Variants in FGFR2 observed in about 807,000 individuals in gnomAD.
FGFR2 encodes the protein fibroblast growth factor receptor 2.
In FGFR2, 19 loss-of-function variants were observed where a neutral mutation model predicts 95.9. The ratio of observed to expected loss-of-function variants is 0.20; its 90% confidence interval spans 0.14 to 0.29. The LOEUF (loss-of-function observed/expected upper bound fraction) is 0.29. FGFR2 is among the 10% of genes least tolerant of loss of function. FGFR2 has a pLI of 1.00. For synonymous variants in FGFR2, 392 were observed against 393.3 expected (o/e 1.00, Z 0.04); for missense variants, 707 against 1,056.9 (o/e 0.67, Z 4.59).
intron 6 of FGFR2, among the ~76,000 whole-genome samples, chr10:121,533,818 G>A (rs1174818272): frequency 6.6e-6 from 1 of 152,144 alleles, no homozygotes; most frequent in Non-Finnish European, 1.5e-5. Context: ...GGAGGCCCCA[G>A]CTCCAGAATG....
At chr10:121,488,167 C>A in intron 13 of FGFR2, 54 bp from the exon 14 acceptor site, 1 of 1,605,676 alleles carries the variant, frequency 6.2e-7, no homozygotes, top group Non-Finnish European at 8.5e-7. Context: ...ACCGCCAGAA[C>A]AAAAAGGAAA....
chr10:121,518,727 G>A lies in FGFR2; in HGVS notation c.939+1252C>T, dbSNP rs1065582. On this transcript the variant is annotated intron_variant, in intron 7 of 17. Transcript: ENST00000358487. The surrounding 1 kb of genome is among the most constrained non-coding windows in gnomAD (Gnocchi z 4.0). ...GTGAGCCAGGCAGACTGGTTGGCCT[G>A]CCCTATATAATTGGAGACCTTACAT... The A allele has an allele frequency of 1.2e-6, 2 of 1,614,166 alleles. No homozygotes were observed. Among genetic ancestry groups the A allele is most frequent in the Non-Finnish European group, 1.7e-6 (2 of 1,180,022 alleles).
intron 4 of FGFR2, among the ~76,000 whole-genome samples, chr10:121,553,103 T>C (rs980679696): frequency 1.2e-4 from 19 of 152,192 alleles, no homozygotes; most frequent in Non-Finnish European, 1.5e-5. Flanking sequence ...AAACCTGTTG[T>C]CAAAGGTAGA....
At chr10:121,488,136 A>G (rs1395433519) in intron 13 of FGFR2, 23 bp from the exon 14 acceptor site, 2 of 1,611,464 alleles carry the variant, frequency 1.2e-6, no homozygotes, top group Admixed American at 3.3e-5. Context: ...AAGAAGCAAG[A>G]GAAATAACTA....
intron 13 of FGFR2, among the ~76,000 whole-genome samples, chr10:121,489,990 C>T (rs146521497): frequency 6.6e-6 from 1 of 152,274 alleles, no homozygotes; most frequent in Non-Finnish European, 1.5e-5. Flanking sequence ...CGTCTATCCA[C>T]GTTCTCAGTC....
chr10:121,560,202 C>T (rs73373543), intron 4 of FGFR2, among the ~76,000 whole-genome samples: 11,060 of 152,150 alleles, frequency 0.073, 1,349 homozygotes, highest in African/African-American at 0.25. Flanking sequence ...AGAATAAATA[C>T]TCTCTCCACC....
rs1439780657 is a variant in FGFR2 at position 121,561,699 on chromosome 10, T to C, written c.454+2803A>G. Among the ~76,000 whole-genome samples, 2 of 152,146 alleles carry C rather than the reference T, an allele frequency of 1.3e-5. 1 individual carries two copies. Among genetic ancestry groups the C allele is most frequent in the Non-Finnish European group, 2.9e-5 (2 of 68,018 alleles). The stretch of plus-strand genomic sequence containing the variant: ...TCCATAAAAGAAAAACCAGACTACA[T>C]GAAACTTAAAAATTTCTGCTCTGCA... On this transcript the variant is annotated intron_variant, in intron 4 of 17. Transcript: ENST00000358487.
At chr10:121,563,739 T>C (rs1246537906) in intron 4 of FGFR2, among the ~76,000 whole-genome samples, 2 of 152,152 alleles carry the variant, frequency 1.3e-5, no homozygotes, top group South Asian at 2.1e-4. Context: ...AACTCAGAAG[T>C]TGTGGAGCAA....
intron 8 of FGFR2, 149 bp from the exon 9 acceptor site, chr10:121,515,468 T>C (rs997071159): frequency 2.6e-6 from 2 of 781,224 alleles, no homozygotes; most frequent in Non-Finnish European, 4.4e-6. Context: ...CAAATGAAAA[T>C]GAATAACCAG....
chr10:121,493,687 G>A lies in FGFR2; in HGVS notation c.1863+2845C>T, dbSNP rs574532193. ...CTTCTCCGCAGATGAGTTTGTCCAC[G>A]CCCATGGCTTGAACTCACAGCTCCC... is the stretch of plus-strand genomic sequence containing the variant. On this transcript the variant is annotated intron_variant, in intron 13 of 17. Transcript: ENST00000358487. 3.3e-5 allele frequency among the ~76,000 whole-genome samples: 5 copies of A among 152,236 alleles called. No individual in the cohort carries two copies. The East Asian group carries it at 5.8e-4, about 18-fold the overall frequency.
intron 6 of FGFR2, chr10:121,538,187 T>G: frequency 3.3e-6 from 2 of 610,704 alleles, no homozygotes; most frequent in Non-Finnish European, 2.9e-6. Context: ...CCTTTTCCTT[T>G]ACTCTTCAGC....
At chr10:121,498,066 C>A (rs1847112850) in intron 12 of FGFR2, among the ~76,000 whole-genome samples, 1 of 152,236 alleles carries the variant, frequency 6.6e-6, no homozygotes, top group African/African-American at 2.4e-5. Context: ...TTAAGCTATT[C>A]TTGGGAGCTC....
chr10:121,593,770 T>C lies in FGFR2; in HGVS notation c.48A>G (p.Ala16=), dbSNP rs1863030215. The C allele has an allele frequency of 1.9e-6, 3 of 1,614,062 alleles. No homozygotes were observed. Among genetic ancestry groups the C allele is most frequent in the Non-Finnish European group, 2.5e-6 (3 of 1,180,030 alleles). ...RFICLVVVTM[A]TLSLARPSFS... ...AGGAGGGCCGGGCCAGGGACAAGGT[T>C]GCCATGGTGACCACGACCAGGCAGA... Residue 16 remains alanine (A), a synonymous_variant, in exon 2 of 18, where the codon GCA becomes GCG. Coordinates refer to ENST00000358487, the MANE Select transcript of FGFR2 (RefSeq NM_000141.5).
At chr10:121,487,128 G>A (rs1005101683) in intron 15 of FGFR2, among the ~76,000 whole-genome samples, 2 of 152,238 alleles carry the variant, frequency 1.3e-5, no homozygotes, top group South Asian at 2.1e-4. Flanking sequence ...CTCTGGCAGG[G>A]GGAGGTCAGC....
rs201771430 is a variant in FGFR2, at chr10:121,575,725, G to A, written c.110-10021C>T. Among the ~76,000 whole-genome samples, 4 of 151,348 alleles carry A rather than the reference G, an allele frequency of 2.6e-5. No homozygotes were observed. In the East Asian group the frequency reaches 5.9e-4, roughly 22 times the overall value. On this transcript the variant is annotated intron_variant, in intron 2 of 17. Transcript: ENST00000358487. ...CAAAAATTAAGCCAGGCATGGTGGTGCACCCCTGTAATCCCAGCTACTCGG... is the reference window on the plus strand; with the variant it reads ...CAAAAATTAAGCCAGGCATGGTGGTACACCCCTGTAATCCCAGCTACTCGG...
At chr10:121,591,011 ACTCTCT>A (rs76266908) in intron 2 of FGFR2, among the ~76,000 whole-genome samples, 19,930 of 144,370 alleles carry the variant, frequency 0.14, 1,349 homozygotes, top group Non-Finnish European at 0.16. Flanking sequence ...ACACACGCAC[ACTCTCT>A]CTCTCTCTCT....
chr10:121,481,932 G>A (rs2133729398), intron 17 of FGFR2: 1 of 309,878 alleles, frequency 3.2e-6, no homozygotes, highest in East Asian at 6.0e-5. Context: ...CGCCTCCCCG[G>A]TTCAAGTGAC....
At chr10:121,528,874 T>C (rs1178301821) in intron 6 of FGFR2, among the ~76,000 whole-genome samples, 1 of 151,772 alleles carries the variant, frequency 6.6e-6, no homozygotes, top group Non-Finnish European at 1.5e-5. Context: ...CTATGAACAC[T>C]CGGTGAGAGT....
chr10:121,548,281 G>GTTTTTTTTTTTTT (rs1854856584), intron 5 of FGFR2, among the ~76,000 whole-genome samples: 3 of 32,000 alleles, frequency 9.4e-5, no homozygotes, highest in Admixed American at 3.6e-4. Context: ...TTTTTTTTTG[G>GTTTTTTTTTTTTT]TAAAGCAAAA....
Sources: gnomAD v4.1 joint callset for allele counts (sites outside exome capture counted in the v4.1 genomes callset) on GRCh38, gnomAD v4.1.1 for gene constraint, Gnocchi (gnomAD v3.1) non-coding constraint, MANE v1.5 for transcripts, NCBI Gene and HGNC (gene_info 2026-07-23, HGNC 2026-07-21) for gene names.